The following VRK2 variants were observed in gnomAD, a reference collection of about 807,000 sequenced individuals.
The protein encoded by VRK2 is VRK serine/threonine kinase 2.
VRK2 carries 60 observed loss-of-function variants against 57.6 expected under a neutral mutation model. That is an observed-to-expected ratio of 1.04 (90% confidence interval 0.85 to 1.29). VRK2 has a LOEUF of 1.29. Ranked by LOEUF, VRK2 falls within the 50% of genes most tolerant of loss-of-function variation. The probability of loss-of-function intolerance (pLI) is 0.00; values close to 1 mark genes in which losing one functional copy is unlikely to be tolerated. For synonymous variants in VRK2, 231 were observed against 199.2 expected, an observed-to-expected ratio of 1.16 and a Z score of -1.35; for missense variants, 705 against 588.1, an observed-to-expected ratio of 1.20 and a Z score of -2.06.
intron 2 of VRK2, among the ~76,000 whole-genome samples, chr2:58,079,506 ATATT>A (rs1670563768): frequency 6.6e-6 from 1 of 151,908 alleles, no homozygotes; most frequent in African/African-American, 2.4e-5. Context: ...ATCTTAATTT[ATATT>A]TATTAATTTA....
chr2:58,116,217 G>A (rs987234107), intron 7 of VRK2, among the ~76,000 whole-genome samples: 76 of 152,214 alleles, frequency 5.0e-4, no homozygotes, highest in African/African-American at 1.8e-3. Context: ...GGTAAGGGGT[G>A]CGTGATCGGT....
At chr2:58,046,710 C>G, upstream of VRK2, 2 of 985,576 alleles carry the variant, frequency 2.0e-6, no homozygotes, top group Non-Finnish European at 2.4e-6. Context: ...CACTGCGAGG[C>G]CGACGCAGCT....
chr2:58,151,740 T>C lies in VRK2; in HGVS notation c.1182+5266T>C, dbSNP rs1418313024. On this transcript the variant is annotated intron_variant, in intron 12 of 12. Coordinates refer to ENST00000340157, the MANE Select transcript of VRK2 (RefSeq NM_006296.7). The stretch of plus-strand genomic sequence containing the variant: ...CTATGCTTCTATGCTTGTTTTTTTT[T>C]TTTTTTTTTTTTTTTTTTTTTTTTT... Among the ~76,000 whole-genome samples the C allele has an allele frequency of 7.2e-4, 68 of 94,828 alleles. 2 individuals carry two copies. Among genetic ancestry groups the C allele is most frequent in the African/African-American group, 2.7e-3 (58 of 21,494 alleles). The allele number at this position is 94,828 out of a possible 152,430, so 62.2% of individuals were successfully genotyped here.
upstream of VRK2, among the ~76,000 whole-genome samples, chr2:58,044,747 G>A (rs1572824262): frequency 6.6e-6 from 1 of 152,188 alleles, no homozygotes. Flanking sequence ...CAGTAAATGC[G>A]AAAAGTTCTT....
chr2:57,952,574 C>T (rs1405335334), intron 1 of VRK2, among the ~76,000 whole-genome samples: 3 of 152,098 alleles, frequency 2.0e-5, no homozygotes, highest in Non-Finnish European at 4.4e-5. Flanking sequence ...CCTGAACATA[C>T]ATATCCTTAC....
intron 1 of VRK2, among the ~76,000 whole-genome samples, chr2:57,984,866 T>C (rs1466805914): frequency 6.6e-6 from 1 of 151,998 alleles, no homozygotes; most frequent in Non-Finnish European, 1.5e-5. Context: ...AAATAAGCAT[T>C]TAAAATTCAA....
chr2:58,109,448 T>A (rs1258610393), intron 7 of VRK2, among the ~76,000 whole-genome samples: 6 of 150,218 alleles, frequency 4.0e-5, no homozygotes, highest in East Asian at 2.0e-4. Context: ...AAAAAAAAAA[T>A]ACCCAAAACT....
rs780268295 is a variant in VRK2, at chr2:58,159,694, AGAT to A, written c.*5_*7del. The stretch of plus-strand genomic sequence containing the variant: ...ATTTCTTGCTTTATTTTTTCTCTGA[AGAT>A]GATACCAAAATTCCTTTTGATAATT... On this transcript the variant is annotated 3_prime_UTR_variant, in exon 13 of 13. Coordinates refer to ENST00000340157, the MANE Select transcript of VRK2 (RefSeq NM_006296.7). The A allele has an allele frequency of 6.8e-6, 11 of 1,612,298 alleles. No individual in the cohort carries two copies. Among genetic ancestry groups the A allele is most frequent in the South Asian group, 3.3e-5 (3 of 90,720 alleles).
At chr2:57,977,975 C>T (rs72808488) in intron 1 of VRK2, among the ~76,000 whole-genome samples, 18,829 of 150,952 alleles carry the variant, frequency 0.12, 1,622 homozygotes, top group East Asian at 0.19. Flanking sequence ...TTGAGATGAT[C>T]GTGTGACTTT....
At chr2:58,147,038 C>A in intron 12 of VRK2, 1 of 365,314 alleles carries the variant, frequency 2.7e-6, no homozygotes, top group Non-Finnish European at 5.5e-6. Context: ...TCAAAATGAC[C>A]AACATTTTAT....
intron 1 of VRK2, among the ~76,000 whole-genome samples, chr2:57,922,973 T>C (rs1037073988): frequency 1.3e-5 from 2 of 152,048 alleles, no homozygotes; most frequent in African/African-American, 4.8e-5. Flanking sequence ...ATATGAGAAG[T>C]TTGTCTTTCT....
At chr2:57,971,533 T>A (rs921353024) in intron 1 of VRK2, among the ~76,000 whole-genome samples, 1 of 151,966 alleles carries the variant, frequency 6.6e-6, no homozygotes, top group Non-Finnish European at 1.5e-5. Flanking sequence ...GTCTCAGGAC[T>A]GCTAACTTTT....
chr2:58,081,687 G>GT (rs1239571127), intron 2 of VRK2, among the ~76,000 whole-genome samples: 1 of 151,764 alleles, frequency 6.6e-6, no homozygotes, highest in East Asian at 1.9e-4. Context: ...CTCTGATTAT[G>GT]TTTTTTCTAC....
At chr2:58,027,246 A>G (rs183494416) in intron 2 of VRK2, among the ~76,000 whole-genome samples, 1 of 151,950 alleles carries the variant, frequency 6.6e-6, no homozygotes, top group African/African-American at 2.4e-5. Context: ...ATGAGAAAAA[A>G]TCTCACTGGA....
intron 1 of VRK2, among the ~76,000 whole-genome samples, chr2:57,953,234 T>C (rs188610288): frequency 2.6e-5 from 4 of 152,356 alleles, no homozygotes; most frequent in Admixed American, 2.0e-4. Context: ...TCACTTTTGC[T>C]CTTATCTGAT....
At chr2:58,096,232 A>G (rs1673109245) in intron 7 of VRK2, among the ~76,000 whole-genome samples, 2 of 152,062 alleles carry the variant, frequency 1.3e-5, no homozygotes, top group East Asian at 3.8e-4. Flanking sequence ...ATTGATCCAT[A>G]GTTTTCTAAT....
intron 1 of VRK2, among the ~76,000 whole-genome samples, chr2:57,960,519 A>C (rs1164035770): frequency 6.6e-6 from 1 of 152,234 alleles, no homozygotes; most frequent in Non-Finnish European, 1.5e-5. Context: ...ATTTGCATTC[A>C]CATTCACATT....
chr2:58,026,533 G>C (rs1325341548), intron 2 of VRK2, among the ~76,000 whole-genome samples: 3 of 152,078 alleles, frequency 2.0e-5, no homozygotes, highest in Non-Finnish European at 4.4e-5. Flanking sequence ...AAGCGTGTCA[G>C]TATTGGCACG....
At chr2:57,941,775 C>T (rs536972195) in intron 1 of VRK2, among the ~76,000 whole-genome samples, 1 of 152,320 alleles carries the variant, frequency 6.6e-6, no homozygotes, top group South Asian at 2.1e-4. Context: ...TATGCATAGG[C>T]TGCCATAGAC....
Sources: allele counts gnomAD v4.1 joint callset (sites outside exome capture counted in the v4.1 genomes callset), GRCh38; gene constraint gnomAD v4.1.1; transcripts MANE v1.5; gene names NCBI Gene and HGNC (gene_info 2026-07-23, HGNC 2026-07-21).